HDAC9: variants seen among roughly 807,000 people sequenced by gnomAD.
HDAC9 encodes histone deacetylase 9.
Under a neutral mutation model 139.4 loss-of-function variants are expected in HDAC9, and 41 were observed. That is an observed-to-expected ratio of 0.29 (90% CI 0.23 to 0.38). The LOEUF (loss-of-function observed/expected upper bound fraction) is 0.38. Among genes scored for constraint, HDAC9 ranks in the 10% least tolerant of loss-of-function variants. HDAC9 has a pLI of 1.00. For synonymous variants in HDAC9, 517 were observed against 476.2 expected, an observed-to-expected ratio of 1.09 and a Z score of -1.12; for missense variants, 1,147 against 1,297.0, an observed-to-expected ratio of 0.88 and a Z score of 1.78.
chr7:18,503,485 C>CATGA (rs1421997914), intron 2 of HDAC9, among the ~76,000 whole-genome samples: 2 of 152,190 alleles, frequency 1.3e-5, no homozygotes, highest in African/African-American at 4.8e-5. Flanking sequence ...TGCTATGATT[C>CATGA]ATGAATATAA....
At chr7:18,537,778 G>C (rs1279988316) in intron 2 of HDAC9, among the ~76,000 whole-genome samples, 2 of 152,202 alleles carry the variant, frequency 1.3e-5, no homozygotes, top group East Asian at 3.9e-4. Context: ...GTTCCAGAGA[G>C]ATGTAGCTAA....
intron 2 of HDAC9, among the ~76,000 whole-genome samples, chr7:18,233,317 A>C (rs1793593278): frequency 6.6e-6 from 1 of 152,040 alleles, no homozygotes; most frequent in East Asian, 1.9e-4. Flanking sequence ...ATTTTTGAGG[A>C]CTTAAATAGA....
At chr7:18,248,091 G>A (rs191422728) in intron 2 of HDAC9, among the ~76,000 whole-genome samples, 267 of 152,184 alleles carry the variant, frequency 1.8e-3, no homozygotes, top group African/African-American at 6.1e-3. Context: ...ATTTACTTAA[G>A]TACATAAAAA....
At chr7:18,917,778 G>A (rs544965602) in intron 22 of HDAC9, among the ~76,000 whole-genome samples, 2 of 152,144 alleles carry the variant, frequency 1.3e-5, no homozygotes, top group Non-Finnish European at 2.9e-5. Flanking sequence ...TTAAAAATAT[G>A]TCTGAGATGA....
At chr7:18,490,792 A>G (rs1796306762), upstream of HDAC9, among the ~76,000 whole-genome samples, 1 of 151,996 alleles carries the variant, frequency 6.6e-6, no homozygotes, top group African/African-American at 2.4e-5. Context: ...TGCTTTAACA[A>G]TAGTTTGAGG....
chr7:18,195,582 C>T (rs1226939955), intron 2 of HDAC9, among the ~76,000 whole-genome samples: 1 of 152,120 alleles, frequency 6.6e-6, no homozygotes, highest in African/African-American at 2.4e-5. Context: ...CACAATTTCA[C>T]CTATACTCTA....
chr7:18,457,592 ATTGG>A (rs1793456964), intron 1 of HDAC9, among the ~76,000 whole-genome samples: 1 of 152,164 alleles, frequency 6.6e-6, no homozygotes, highest in Non-Finnish European at 1.5e-5. Flanking sequence ...ATATTTACAA[ATTGG>A]TTGATCTCTG....
In HDAC9 at chr7:18,347,881, GTA is replaced by G. The variant is rs751787807; in HGVS notation, c.-42+57368_-42+57369del. ...CACGAGCCACTGCACCTGGCCGGCA[GTA>G]TGTTTTTAATCTGTATCTCAGTGCC... On this transcript the variant is annotated intron_variant, in intron 1 of 3. Transcript: ENST00000413509. 3.3e-5 allele frequency among the ~76,000 whole-genome samples: 5 copies of G among 152,234 alleles called. No homozygotes were observed. The East Asian group carries it at 7.7e-4, about 24-fold the overall frequency.
chr7:18,516,603 T>G (rs746123642), intron 2 of HDAC9, among the ~76,000 whole-genome samples: 2 of 152,156 alleles, frequency 1.3e-5, no homozygotes, highest in Non-Finnish European at 2.9e-5. Context: ...TTCACGCCTG[T>G]AATCCCAGCA....
At chr7:18,750,685 G>C (rs1352802377) in intron 14 of HDAC9, among the ~76,000 whole-genome samples, 1 of 152,142 alleles carries the variant, frequency 6.6e-6, no homozygotes, top group Non-Finnish European at 1.5e-5. Context: ...TGATACTGCA[G>C]TTTGGAGGCC....
chr7:18,196,146 A>G (rs1028743218), intron 2 of HDAC9, among the ~76,000 whole-genome samples: 15 of 152,174 alleles, frequency 9.9e-5, no homozygotes, highest in African/African-American at 3.4e-4. Context: ...ATTGCCTTGC[A>G]CAGTGCCTGG....
intron 12 of HDAC9, among the ~76,000 whole-genome samples, chr7:18,718,299 T>A (rs1784863766): frequency 6.6e-6 from 1 of 152,188 alleles, no homozygotes; most frequent in Non-Finnish European, 1.5e-5. Context: ...TGGCGCGATG[T>A]TGGCTCACTG....
chr7:18,687,465 A>G (rs541181907), intron 12 of HDAC9, among the ~76,000 whole-genome samples: 2 of 151,992 alleles, frequency 1.3e-5, no homozygotes, highest in East Asian at 3.9e-4. Context: ...ACCCTCATTG[A>G]TGGGAAATAA....
In HDAC9 at chr7:18,922,056, C is replaced by T. The variant is rs372964263; in HGVS notation, c.2804-13753C>T. ...GAACACATGGACACAGGAAGGGGAACATCACACACTGGGGCCTGTTGTGGG... is the reference window on the plus strand; with the variant it reads ...GAACACATGGACACAGGAAGGGGAATATCACACACTGGGGCCTGTTGTGGG... On this transcript the variant is annotated intron_variant, in intron 22 of 25. Transcript: ENST00000686413. 8.1e-5 allele frequency among the ~76,000 whole-genome samples: 10 copies of T among 124,050 alleles called. No individual in the cohort carries two copies. In the East Asian group the frequency reaches 2.1e-3, roughly 26 times the overall value. The allele number at this position is 124,050 out of a possible 152,430, so 81.4% of individuals were successfully genotyped here.
At chr7:18,416,701 C>T (rs1009759067) in intron 1 of HDAC9, among the ~76,000 whole-genome samples, 17 of 151,978 alleles carry the variant, frequency 1.1e-4, no homozygotes, top group Admixed American at 2.0e-4. Flanking sequence ...TATAATATTA[C>T]CTTATTATCT....
chr7:18,479,044 G>T (rs1407754145), intron 1 of HDAC9, among the ~76,000 whole-genome samples: 3 of 151,812 alleles, frequency 2.0e-5, no homozygotes, highest in African/African-American at 7.3e-5. Flanking sequence ...TAAATTCACT[G>T]TAAACGTTTT....
chr7:18,635,175 G>A (rs1242747851), intron 8 of HDAC9, among the ~76,000 whole-genome samples: 2 of 151,746 alleles, frequency 1.3e-5, no homozygotes, highest in African/African-American at 4.8e-5. Flanking sequence ...TATTGGTTGT[G>A]CCGATGTGAG....
intron 1 of HDAC9, among the ~76,000 whole-genome samples, chr7:18,157,066 T>C (rs577246113): frequency 6.6e-6 from 1 of 152,184 alleles, no homozygotes; most frequent in Non-Finnish European, 1.5e-5. Flanking sequence ...TGATACCCTA[T>C]CTCAAAAACC....
chr7:18,391,111 G>A (rs996214742), intron 1 of HDAC9, among the ~76,000 whole-genome samples: 2 of 152,060 alleles, frequency 1.3e-5, no homozygotes, highest in Admixed American at 6.5e-5. Flanking sequence ...TCAGCCAGGC[G>A]CGGTGGCTCA....
Sources: allele counts gnomAD v4.1 joint callset (sites outside exome capture counted in the v4.1 genomes callset), GRCh38; gene constraint gnomAD v4.1.1; transcripts MANE v1.5; gene names NCBI Gene and HGNC (gene_info 2026-07-23, HGNC 2026-07-21).